OPRM1: variants seen among roughly 807,000 people sequenced by gnomAD.
OPRM1 encodes opioid receptor mu 1, also known as mu-type opioid receptor.
Under a neutral mutation model 31.8 loss-of-function variants are expected in OPRM1, and 27 were observed. The observed-to-expected ratio is 0.85, with a 90% CI of 0.63 to 1.17. OPRM1 has a LOEUF of 1.17. Among genes scored for constraint, OPRM1 ranks in the 50% most tolerant of loss-of-function variants. OPRM1 has a pLI of 0.00. For missense variants in OPRM1, 536 were observed against 511.1 expected (o/e 1.05, Z -0.47); for synonymous variants, 196 against 189.9 (o/e 1.03, Z -0.26).
intron 1 of OPRM1, among the ~76,000 whole-genome samples, chr6:154,064,562 G>T (rs1488630793): frequency 6.6e-6 from 1 of 152,128 alleles, no homozygotes; most frequent in East Asian, 1.9e-4. Context: ...AAATCTTTGT[G>T]AAATCTAATG....
chr6:154,135,484 GATAGATATAGATATAGAT>G (rs58196022), downstream of OPRM1, among the ~76,000 whole-genome samples: 885 of 144,428 alleles, frequency 6.1e-3, 8 homozygotes, highest in African/African-American at 0.021. Context: ...AAAATATATA[GATAGATATAGATATAGAT>G]ATAGATATAG....
intron 3 of OPRM1, among the ~76,000 whole-genome samples, chr6:154,240,100 G>T (rs1780459048): frequency 6.6e-6 from 1 of 152,148 alleles, no homozygotes; most frequent in South Asian, 2.1e-4. Context: ...TAAATTAAAA[G>T]CCCATAATTC....
intron 3 of OPRM1, among the ~76,000 whole-genome samples, chr6:154,206,786 G>A (rs1777532032): frequency 6.6e-6 from 1 of 152,208 alleles, no homozygotes; most frequent in Non-Finnish European, 1.5e-5. Flanking sequence ...GGTCCTGCAA[G>A]TGGAGAAACT....
intron 3 of OPRM1, among the ~76,000 whole-genome samples, chr6:154,115,026 T>C (rs1425800381): frequency 1.3e-5 from 2 of 152,150 alleles, no homozygotes; most frequent in Non-Finnish European, 1.5e-5. Flanking sequence ...AGAATGTAAA[T>C]TATCAATACC....
At position 154,132,251 on chromosome 6, in the gene OPRM1, T is replaced by G. The variant is rs1054490730; in HGVS notation, c.*13530T>G. 1.3e-5 allele frequency among the ~76,000 whole-genome samples: 2 copies of G among 152,228 alleles called. No individual in the cohort carries two copies. Among genetic ancestry groups the G allele is most frequent in the African/African-American group, 4.8e-5 (2 of 41,458 alleles). ...ATAAATTTTTGCATTGTATTGTTCTTGATGTACCAGCATACATAAACATAT... is the reference window on the plus strand; with the variant it reads ...ATAAATTTTTGCATTGTATTGTTCTGGATGTACCAGCATACATAAACATAT... On this transcript the variant is annotated 3_prime_UTR_variant, in exon 4 of 4. Transcript: ENST00000330432.
chr6:154,149,598 G>A (rs924611984), intron 3 of OPRM1, among the ~76,000 whole-genome samples: 2 of 35,946 alleles, frequency 5.6e-5, no homozygotes, highest in Non-Finnish European at 1.0e-4. Flanking sequence ...ATTCTGGATC[G>A]TGTGTGTGTG....
rs144006058 is a variant in OPRM1, at chr6:154,206,044, T to C, written c.1165-40649T>C. Among the ~76,000 whole-genome samples, 414 of 152,264 alleles carry C rather than the reference T, an allele frequency of 2.7e-3. 1 individual carries two copies. Among genetic ancestry groups the C allele is most frequent in the Middle Eastern group, 6.8e-3 (2 of 294 alleles). ...GCTATCAAGAGATGCCAGGAGACTT[T>C]ATTCTCAAAAGCTCTTCATGGCACC... On this transcript the variant is annotated intron_variant, in intron 3 of 3. Coordinates refer to the OPRM1 transcript ENST00000337049.
At chr6:154,147,960 T>A (rs1404619794) in intron 3 of OPRM1, among the ~76,000 whole-genome samples, 1 of 152,230 alleles carries the variant, frequency 6.6e-6, no homozygotes, top group Non-Finnish European at 1.5e-5. Context: ...TATGGCCAGT[T>A]TTTTGTAAAG....
chr6:154,131,762 G>T lies in OPRM1; in HGVS notation c.*13041G>T, dbSNP rs1797907698. 6.6e-6 allele frequency among the ~76,000 whole-genome samples: 1 copy of T among 151,888 alleles called. No homozygotes were observed. Among genetic ancestry groups the T allele is most frequent in the Non-Finnish European group, 1.5e-5 (1 of 67,966 alleles). Reference sequence around the variant, plus strand: ...TGAGCACAACATGCTTTCTGTGTGTGTTTTTAAGCTCTTTCCCCACATCTG... The same window carrying T: ...TGAGCACAACATGCTTTCTGTGTGTTTTTTTAAGCTCTTTCCCCACATCTG... On this transcript the variant is annotated 3_prime_UTR_variant, in exon 4 of 4. Coordinates refer to ENST00000330432, the MANE Select transcript of OPRM1 (RefSeq NM_000914.5).
In OPRM1 at chr6:154,130,962, A is replaced by C. The variant is rs1797863853; in HGVS notation, c.*12241A>C. 4.6e-5 allele frequency among the ~76,000 whole-genome samples: 7 copies of C among 152,124 alleles called. No homozygotes were observed. The highest frequency in any genetic ancestry group is 4.6e-4 in the Admixed American group (7 of 15,278). ...TTCATTTTATTATGTTATATGAAAA[A>C]AAGAAACCTTGTAAGTGCAGATTTA... On this transcript the variant is annotated 3_prime_UTR_variant, in exon 4 of 4. Transcript: ENST00000330432.
At chr6:154,134,766 G>C (rs1028511873), downstream of OPRM1, among the ~76,000 whole-genome samples, 1 of 152,124 alleles carries the variant, frequency 6.6e-6, no homozygotes, top group Non-Finnish European at 1.5e-5. Flanking sequence ...GGCTAGCTGA[G>C]CAGCGAATTT....
At chr6:154,067,202 T>C (rs571805307) in intron 1 of OPRM1, among the ~76,000 whole-genome samples, 18 of 152,198 alleles carry the variant, frequency 1.2e-4, no homozygotes, top group African/African-American at 4.3e-4. Context: ...TTCCTTCTGC[T>C]AGCTTTCTGC....
rs539365681 is a variant in OPRM1 at position 154,114,817 on chromosome 6, A to G, written c.1165-3866A>G. Among the ~76,000 whole-genome samples the G allele has an allele frequency of 2.0e-5, 3 of 151,378 alleles. No homozygotes were observed. The East Asian group carries it at 5.8e-4, about 29-fold the overall frequency. ...AGATATTACATTTTTCATTAGTCCC[A>G]TTGTATTTAAGTCCTTGGTCAAGGT... On this transcript the variant is annotated intron_variant, in intron 3 of 3. Transcript: ENST00000330432.
At chr6:154,046,157 T>C (rs1781075801) in intron 1 of OPRM1, among the ~76,000 whole-genome samples, 1 of 152,204 alleles carries the variant, frequency 6.6e-6, no homozygotes, top group African/African-American at 2.4e-5. Flanking sequence ...ATAAAGGTTT[T>C]CTCTTAACTA....
intron 3 of OPRM1, among the ~76,000 whole-genome samples, chr6:154,160,521 T>C (rs574958690): frequency 1.3e-5 from 2 of 152,218 alleles, no homozygotes; most frequent in Non-Finnish European, 2.9e-5. Context: ...TCACATTTAT[T>C]TAATACAGAA....
chr6:154,010,862 G>T, exon 1 of OPRM1: 1 of 1,334,874 alleles, frequency 7.5e-7, no homozygotes, highest in Non-Finnish European at 9.7e-7. Flanking sequence ...TGTTCTTGTG[G>T]TTGCTACATG....
rs374739553 is a variant in OPRM1 at position 154,110,886 on chromosome 6, C to CAAAAAAAAA, written c.1165-7782_1165-7774dup. ...TGGGCGACAAAGCGAGACTCCGTCT[C>CAAAAAAAAA]AAAAAAAAAAAAAAAAAAAAAAAGA... On this transcript the variant is annotated intron_variant, in intron 3 of 3. Transcript: ENST00000330432. Among the ~76,000 whole-genome samples, 127 of 63,504 alleles carry CAAAAAAAAA rather than the reference C, an allele frequency of 2.0e-3. 7 individuals carry two copies. The highest frequency in any genetic ancestry group is 3.1e-3 in the East Asian group (5 of 1,638). The allele number at this position is 63,504 out of a possible 152,430, so 41.7% of individuals were successfully genotyped here.
chr6:154,080,472 C>G (rs1466461921), intron 1 of OPRM1, among the ~76,000 whole-genome samples: 1 of 152,214 alleles, frequency 6.6e-6, no homozygotes, highest in Non-Finnish European at 1.5e-5. Flanking sequence ...AAAAAATTTC[C>G]CACAGATTGG....
chr6:154,215,348 C>G (rs903082814), intron 3 of OPRM1, among the ~76,000 whole-genome samples: 46 of 152,086 alleles, frequency 3.0e-4, no homozygotes, highest in African/African-American at 1.1e-3. Flanking sequence ...GTGGTTCATG[C>G]CTCCCAGCAC....
Sources: allele counts gnomAD v4.1 joint callset (sites outside exome capture counted in the v4.1 genomes callset), GRCh38; gene constraint gnomAD v4.1.1; transcripts MANE v1.5; gene names NCBI Gene and HGNC (gene_info 2026-07-23, HGNC 2026-07-21).